The following ALDH16A1 variants were observed in gnomAD, a reference collection of about 807,000 sequenced individuals.
ALDH16A1 encodes aldehyde dehydrogenase 16 family member A1.
ALDH16A1 carries 88 observed loss-of-function variants against 96.1 expected under a neutral mutation model. The ratio of observed to expected loss-of-function variants is 0.92; its 90% CI spans 0.77 to 1.09. The LOEUF is 1.09. Ranked by LOEUF, ALDH16A1 falls within the 50% of genes least tolerant of loss-of-function variation. The pLI is 0.00. For missense variants in ALDH16A1, 1,250 were observed against 1,112.6 expected, an observed-to-expected ratio of 1.12 and a Z score of -1.76; for synonymous variants, 522 against 496.4, an observed-to-expected ratio of 1.05 and a Z score of -0.69.
chr19:49,468,139 G>T lies in ALDH16A1; in HGVS notation c.1939-242G>T, dbSNP rs111759744. ...CGCACCACTGCACTCTAGCCAGGGC[G>T]ACAGAGTGAGAGTCCGTCTCAAAAA... On this transcript the variant is annotated intron_variant, in intron 14 of 16. Transcript: ENST00000293350. This position sits in a 1 kb window ranked among gnomAD's most constrained non-coding sequence, Gnocchi z 4.4. 1.4e-5 allele frequency among the ~76,000 whole-genome samples: 2 copies of T among 143,124 alleles called. No individual in the cohort carries two copies. Among genetic ancestry groups the T allele is most frequent in the Non-Finnish European group, 3.0e-5 (2 of 66,760 alleles). The allele number at this position is 143,124 out of a possible 152,430, so 93.9% of individuals were successfully genotyped here. A position where few individuals can be genotyped will look rare whatever the true frequency, so the allele number is the denominator to read the frequency against.
rs756948267 is a variant in ALDH16A1, at chr19:49,464,444, C to T, written c.1359C>T (p.Asn453=). Residue 453 remains asparagine, a synonymous_variant, in exon 11 of 17, where the codon AAC becomes AAT. Transcript: ENST00000293350. The part of the protein sequence containing the change: ...YGLQVGTVWI[N]AHGLRDPSVP... The stretch of plus-strand genomic sequence containing the variant: ...TCCAGGTGGGCACTGTCTGGATCAA[C>T]GCCCACGGCCTCAGAGACCCTTCGG... The T allele has an allele frequency of 2.6e-5, 42 of 1,607,784 alleles. No individual in the cohort carries two copies. Among genetic ancestry groups the T allele is most frequent in the South Asian group, 6.7e-5 (6 of 90,202 alleles).
rs777358529 is a variant in ALDH16A1, at chr19:49,468,597, C to A, written c.2124+31C>A. 2.8e-5 allele frequency: 45 copies of A among 1,596,726 alleles called. No homozygotes were observed. Among genetic ancestry groups the A allele is most frequent in the Non-Finnish European group, 3.8e-5 (45 of 1,176,862 alleles). ...GCCCCCTGCCTTCCTGCCTCTCCTCCCCGTAGCCTCAGGGCAGCAGAAAAA... is the reference window on the plus strand; with the variant it reads ...GCCCCCTGCCTTCCTGCCTCTCCTCACCGTAGCCTCAGGGCAGCAGAAAAA... On this transcript the variant is annotated intron_variant, in intron 15 of 16. Coordinates refer to ENST00000293350, the MANE Select transcript of ALDH16A1 (RefSeq NM_153329.4). The surrounding 1 kb of genome is among the most constrained non-coding windows in gnomAD (Gnocchi z 4.4).
rs1203689149 is a variant in ALDH16A1, at chr19:49,464,287, T to C, written c.1331+24T>C. The C allele has an allele frequency of 1.1e-5, 18 of 1,597,766 alleles. No individual in the cohort carries two copies. The East Asian group carries it at 4.0e-4, about 36-fold the overall frequency. ...GGGTCAGTCTGCGTGGCCCGGGCGCTCACTCCTCTCCTCATTCTTCCATCT... is the reference window on the plus strand; with the variant it reads ...GGGTCAGTCTGCGTGGCCCGGGCGCCCACTCCTCTCCTCATTCTTCCATCT... On this transcript the variant is annotated intron_variant, in intron 10 of 16. Coordinates refer to ENST00000293350, the MANE Select transcript of ALDH16A1 (RefSeq NM_153329.4).
chr19:49,468,715 G>T lies in ALDH16A1; in HGVS notation c.2124+149G>T. 1 of 1,350,492 alleles carries T rather than the reference G, an allele frequency of 7.4e-7. No individual in the cohort carries two copies. Among genetic ancestry groups the T allele is most frequent in the Non-Finnish European group, 1.0e-6 (1 of 991,302 alleles). 83.7% of individuals were successfully genotyped at this position (1,350,492 alleles called of 1,614,324 possible). ...CCCAGCACCCAAACCTTCACTCCTT[G>T]GGGACCCAGTGCCCATTCTTCACCC... On this transcript the variant is annotated intron_variant, in intron 15 of 16. Coordinates refer to ENST00000293350, the MANE Select transcript of ALDH16A1 (RefSeq NM_153329.4). The surrounding 1 kb of genome is among the most constrained non-coding windows in gnomAD (Gnocchi z 4.4).
At chr19:49,453,966 C>G (rs1434425391) in intron 1 of ALDH16A1, among the ~76,000 whole-genome samples, 2 of 151,352 alleles carry the variant, frequency 1.3e-5, no homozygotes, top group African/African-American at 4.9e-5. Flanking sequence ...TTCATGTGAC[C>G]TCATCGGAAC....
intron 14 of ALDH16A1, among the ~76,000 whole-genome samples, chr19:49,467,524 G>T (rs2079208841): frequency 1.3e-5 from 2 of 150,974 alleles, no homozygotes; most frequent in South Asian, 4.2e-4. Context: ...CCTTCCGAGT[G>T]GCTGGGACTA....
At chr19:49,462,431 G>A (rs117605916) in intron 7 of ALDH16A1, 139 bp from the exon 8 acceptor site, 35,858 of 1,125,370 alleles carry the variant, frequency 0.032, 701 homozygotes, top group South Asian at 0.038. Flanking sequence ...CACCGCATCC[G>A]GCCTCTCTGT....
intron 9 of ALDH16A1, 43 bp from the exon 10 acceptor site, chr19:49,464,084 G>A: frequency 6.3e-7 from 1 of 1,593,364 alleles, no homozygotes; most frequent in Non-Finnish European, 8.6e-7. Context: ...CTTCCCTGGT[G>A]GGTGGGCCCT....
chr19:49,464,749 G>A lies in ALDH16A1; in HGVS notation c.1555G>A (p.Glu519Lys). ...AVPSTLPAGP[E>K]IGPSPAPPYG... ...TCCCTCAACCCTGCCGGCTGGGCCT[G>A]AAATAGGGCCCAGGTGAGTCGTTGG... Residue 519 changes from glutamate to lysine, a missense_variant, in exon 12 of 17, where the codon GAA becomes AAA. Coordinates refer to ENST00000293350, the MANE Select transcript of ALDH16A1 (RefSeq NM_153329.4). The A allele has an allele frequency of 6.2e-7, 1 of 1,614,072 alleles. No individual in the cohort carries two copies. The highest frequency in any genetic ancestry group is 1.1e-5 in the South Asian group (1 of 91,078).
At position 49,461,660 on chromosome 19, in the gene ALDH16A1, C is replaced by T. The variant is rs2079147911; in HGVS notation, c.619C>T (p.Pro207Ser). The change falls in exon 6 of 17, where the codon CCC (proline) becomes TCC (serine). Residue 207 changes from proline (P) to serine (S), a missense_variant. Pro to Ser is a moderately conservative substitution (Grantham distance 74, BLOSUM62 -1). Coordinates refer to ENST00000293350, the MANE Select transcript of ALDH16A1 (RefSeq NM_153329.4). ...VALVPPASPA[P>S]LLLAQLAGEL... is the part of the protein sequence containing the mutation. ...CCTCGTGCCCCCGGCCTCCCCGGCG[C>T]CCCTCCTCCTGGCCCAGCTGGCGGG... 6.2e-7 allele frequency: 1 copy of T among 1,605,772 alleles called. No homozygotes were observed. Among genetic ancestry groups the T allele is most frequent in the South Asian group, 1.1e-5 (1 of 90,040 alleles).
At chr19:49,470,007 C>T (rs1034142549) in intron 16 of ALDH16A1, 1 of 290,354 alleles carries the variant, frequency 3.4e-6, no homozygotes, top group South Asian at 5.8e-5. Flanking sequence ...CGAGTCACCG[C>T]GCCCCACCGT....
chr19:49,464,110 C>T lies in ALDH16A1; in HGVS notation c.1195-17C>T, dbSNP rs1355073668. Reference sequence around the variant, plus strand: ...GGTGGGCCCTGGAGGGCTGAGCCTCCCGGTCACCCCTTGCAGGTGCCGTGG... The same window carrying T: ...GGTGGGCCCTGGAGGGCTGAGCCTCTCGGTCACCCCTTGCAGGTGCCGTGG... On this transcript the variant is annotated splice_polypyrimidine_tract_variant and intron_variant, in intron 9 of 16. Transcript: ENST00000293350. 2 of 1,602,688 alleles carry T rather than the reference C, an allele frequency of 1.2e-6. No homozygotes were observed. The highest frequency in any genetic ancestry group is 2.2e-5 in the South Asian group (2 of 90,668).
At chr19:49,464,065 T>C in intron 9 of ALDH16A1, 62 bp from the exon 10 acceptor site, 1 of 1,586,812 alleles carries the variant, frequency 6.3e-7, no homozygotes, top group Non-Finnish European at 8.6e-7. Context: ...TGCTGCCTGC[T>C]CTAGGCTCCT....
At position 49,462,692 on chromosome 19, in the gene ALDH16A1, G is replaced by T. The variant is rs746586105; in HGVS notation, c.1035G>T (p.Arg345=). Residue 345 remains arginine (R), a synonymous_variant, in exon 8 of 17, where the codon CGG becomes CGT. Transcript: ENST00000293350. ...ATGGGGCCGTGGACATGGGGGCCCG[G>T]GGGGCTGCCGCATGTGACCTGGTCC... is the stretch of plus-strand genomic sequence containing the variant. The part of the protein sequence containing the change: ...GLDGAVDMGA[R]GAAACDLVQR... The T allele has an allele frequency of 5.0e-6, 8 of 1,608,446 alleles. No individual in the cohort carries two copies. In the East Asian group the frequency reaches 1.8e-4, roughly 36 times the overall value.
chr19:49,470,688 AC>A lies in ALDH16A1; in HGVS notation c.*224del. Reference sequence around the variant, plus strand: ...TTTTGAGACAACGTCTGGCTCTGTCACCCAGGCTGGAGCGCAGTGGCACAAT... The same window carrying A: ...TTTTGAGACAACGTCTGGCTCTGTCACCAGGCTGGAGCGCAGTGGCACAAT... On this transcript the variant is annotated 3_prime_UTR_variant, in exon 17 of 17. Transcript: ENST00000293350. 2.4e-6 allele frequency: 1 copy of A among 418,434 alleles called. No homozygotes were observed. The highest frequency in any genetic ancestry group is 3.9e-6 in the Non-Finnish European group (1 of 255,508). The allele number at this position is 418,434 out of a possible 1,614,324, so 25.9% of individuals were successfully genotyped here.
chr19:49,466,279 T>G lies in ALDH16A1; in HGVS notation c.1934T>G (p.Leu645Arg). ...GARVQAQGHT[L>R]QVAGLRGPVL... ...CGGGTGCAGGCCCAAGGCCACACCC[T>G]GCAGGTGAAGGGTCTGTGGGCACCT... Residue 645 changes from leucine (L) to arginine (R), a missense_variant, in exon 14 of 17, where the codon CTG becomes CGG. Leu to Arg is a moderately radical substitution (Grantham distance 102). Coordinates refer to ENST00000293350, the MANE Select transcript of ALDH16A1 (RefSeq NM_153329.4). 6.9e-7 allele frequency: 1 copy of G among 1,450,820 alleles called. No individual in the cohort carries two copies. Among genetic ancestry groups the G allele is most frequent in the South Asian group, 1.4e-5 (1 of 69,152 alleles). 89.9% of individuals were successfully genotyped at this position (1,450,820 alleles called of 1,614,324 possible).
At position 49,464,731 on chromosome 19, in the gene ALDH16A1, A is replaced by G. The variant is rs2079184193; in HGVS notation, c.1537A>G (p.Thr513Ala). The G allele has an allele frequency of 1.2e-6, 2 of 1,613,290 alleles. No individual in the cohort carries two copies. Among genetic ancestry groups the G allele is most frequent in the African/African-American group, 2.7e-5 (2 of 74,856 alleles). ...YDTFGLAVPSTLPAGPEIGPS... is the reference protein window; with the variant it reads ...YDTFGLAVPSALPAGPEIGPS... The stretch of plus-strand genomic sequence containing the variant: ...CACCTTTGGCCTCGCTGTTCCCTCA[A>G]CCCTGCCGGCTGGGCCTGAAATAGG... The change falls in exon 12 of 17, where the codon ACC becomes GCC. Residue 513 changes from threonine to alanine, a missense_variant. Transcript: ENST00000293350.
In ALDH16A1 at chr19:49,466,231, G is replaced by A; in HGVS notation, c.1886G>A (p.Arg629Lys). 6.7e-7 allele frequency: 1 copy of A among 1,502,100 alleles called. No homozygotes were observed. Among genetic ancestry groups the A allele is most frequent in the Non-Finnish European group, 8.9e-7 (1 of 1,125,034 alleles). 93.0% of individuals were successfully genotyped at this position (1,502,100 alleles called of 1,614,324 possible). A position where few individuals can be genotyped will look rare whatever the true frequency, so the allele number is the denominator to read the frequency against. Residue 629 changes from arginine (R) to lysine (K), a missense_variant, in exon 14 of 17, where the codon AGA becomes AAA. Transcript: ENST00000293350. ...AAEAEVELSA[R>K]RLRAWGARVQ... is the part of the protein sequence containing the mutation. ...GAGGCGGAGGTGGAGCTGAGCGCAAGACGACTTCGGGCGTGGGGGGCCCGG... is the reference window on the plus strand; with the variant it reads ...GAGGCGGAGGTGGAGCTGAGCGCAAAACGACTTCGGGCGTGGGGGGCCCGG...
In ALDH16A1 at chr19:49,468,504, G is replaced by A. The variant is rs756711254; in HGVS notation, c.2062G>A (p.Gly688Ser). The part of the protein sequence containing the change: ...VSLLAPALAY[G>S]NTVVMVPSAA... ...CCTGCTGGCTCCCGCCCTGGCCTAC[G>A]GCAACACTGTGGTCATGGTGCCCAG... is the stretch of plus-strand genomic sequence containing the variant. Residue 688 changes from glycine (G) to serine (S), a missense_variant, in exon 15 of 17, where the codon GGC (glycine) becomes AGC (serine). Physicochemically the swap from Gly to Ser is moderately conservative, Grantham distance 56. Transcript: ENST00000293350. The surrounding 1 kb of genome is among the most constrained non-coding windows in gnomAD (Gnocchi z 4.4). 3.6e-5 allele frequency: 57 copies of A among 1,603,950 alleles called. No homozygotes were observed. The highest frequency in any genetic ancestry group is 8.3e-5 in the Admixed American group (5 of 59,986).
Sources: allele counts gnomAD v4.1 joint callset (sites outside exome capture counted in the v4.1 genomes callset), GRCh38; gene constraint gnomAD v4.1.1; non-coding constraint Gnocchi (gnomAD v3.1); transcripts MANE v1.5; gene names NCBI Gene and HGNC (gene_info 2026-07-23, HGNC 2026-07-21).